ADGRG5: variants seen among roughly 807,000 people sequenced by gnomAD.
ADGRG5 encodes G protein-coupled receptor 114.
ADGRG5 carries 37 observed loss-of-function variants against 53.2 expected under a neutral mutation model. The ratio of observed to expected loss-of-function variants is 0.70; its 90% CI spans 0.53 to 0.91. ADGRG5 has a LOEUF of 0.91. Among genes scored for constraint, ADGRG5 ranks in the 40% least tolerant of loss-of-function variants. The pLI is 0.00. For synonymous variants in ADGRG5, 277 were observed against 290.4 expected (o/e 0.95, Z 0.47); for missense variants, 614 against 675.8 (o/e 0.91, Z 1.01).
At chr16:57,568,470 C>A (rs2033212090) in intron 9 of ADGRG5, among the ~76,000 whole-genome samples, 1 of 151,576 alleles carries the variant, frequency 6.6e-6, no homozygotes, top group Admixed American at 6.6e-5. Flanking sequence ...TCTCATCCAC[C>A]TCTGTTATCG....
Position 57,554,609 on chromosome 16 carries a change from T to C in ADGRG5, c.-38-7447T>C, listed in dbSNP as rs9923054. On this transcript the variant is annotated intron_variant, in intron 1 of 11. Coordinates refer to ENST00000349457, the MANE Select transcript of ADGRG5 (RefSeq NM_001304376.3). The stretch of plus-strand genomic sequence containing the variant: ...GCCAGGATGGTCTCAATCTCCTGAC[T>C]TTGTGATCCGCCCACCTTGGCCTCC... 5.8e-3 allele frequency among the ~76,000 whole-genome samples: 879 copies of C among 152,192 alleles called. 11 individuals carry two copies. The highest frequency in any genetic ancestry group is 0.018 in the African/African-American group (747 of 41,558).
Position 57,574,723 on chromosome 16 carries a change from C to A in ADGRG5, c.1209-92C>A. On this transcript the variant is annotated intron_variant, in intron 10 of 11. Transcript: ENST00000349457. The surrounding 1 kb of genome is among the most constrained non-coding windows in gnomAD (Gnocchi z 4.4). ...CAGGCAAGAAACAATAGGGCCTGAGCCAGGAGACCGAGTGGGGCTTCAGGG... is the reference window on the plus strand; with the variant it reads ...CAGGCAAGAAACAATAGGGCCTGAGACAGGAGACCGAGTGGGGCTTCAGGG... The A allele has an allele frequency of 2.2e-6, 3 of 1,373,504 alleles. No homozygotes were observed. Among genetic ancestry groups the A allele is most frequent in the Non-Finnish European group, 2.9e-6 (3 of 1,021,700 alleles). 85.1% of individuals were successfully genotyped at this position (1,373,504 alleles called of 1,614,324 possible). A position where few individuals can be genotyped will look rare whatever the true frequency, so the allele number is the denominator to read the frequency against.
chr16:57,557,284 C>G (rs931130853), intron 1 of ADGRG5, among the ~76,000 whole-genome samples: 2 of 152,164 alleles, frequency 1.3e-5, no homozygotes, highest in South Asian at 4.1e-4. Flanking sequence ...AAAGATATGG[C>G]TGCATTATCA....
At chr16:57,533,381 G>A in the ADGRG5 span, among the ~76,000 whole-genome samples, 12 of 152,074 alleles carry the variant, frequency 7.9e-5, no homozygotes, top group East Asian at 2.1e-3. Flanking sequence ...CCCAAGGGCA[G>A]CCAGACCCTG....
In ADGRG5 at chr16:57,576,126, T is replaced by C. The variant is rs1451016099; in HGVS notation, c.*588T>C. On this transcript the variant is annotated 3_prime_UTR_variant, in exon 12 of 12. Transcript: ENST00000349457. ...GGGGAGGGCCAGATGGCATCCTGGC[T>C]TGGGGCGGGTGGGACCTACCCAGGC... 1 of 153,388 alleles carries C rather than the reference T, an allele frequency of 6.5e-6. No homozygotes were observed. The highest frequency in any genetic ancestry group is 1.9e-4 in the East Asian group (1 of 5,192). 9.5% of individuals were successfully genotyped at this position (153,388 alleles called of 1,614,324 possible).
chr16:57,543,584 G>A (rs1221731482), intron 1 of ADGRG5, among the ~76,000 whole-genome samples: 1 of 152,116 alleles, frequency 6.6e-6, no homozygotes, highest in Non-Finnish European at 1.5e-5. Context: ...TTCCTGGCCT[G>A]TTAGTGCTTT....
At chr16:57,570,885 A>T (rs889620948) in intron 10 of ADGRG5, among the ~76,000 whole-genome samples, 3 of 152,024 alleles carry the variant, frequency 2.0e-5, no homozygotes, top group African/African-American at 7.2e-5. Context: ...TCCCCTGCAG[A>T]CCACCTTGCT....
At position 57,552,886 on chromosome 16, in the gene ADGRG5, C is replaced by T. The variant is rs559537692; in HGVS notation, c.-38-9170C>T. Among the ~76,000 whole-genome samples the T allele has an allele frequency of 4.4e-4, 67 of 152,136 alleles. 1 individual carries two copies. The highest frequency in any genetic ancestry group is 8.8e-4 in the Non-Finnish European group (60 of 67,998). ...TCTTCTACTTGAACACTTAAGAGGC[C>T]ATTGTAGAGTTATTCATTGTTCTGA... is the stretch of plus-strand genomic sequence containing the variant. On this transcript the variant is annotated intron_variant, in intron 1 of 11. Coordinates refer to ENST00000349457, the MANE Select transcript of ADGRG5 (RefSeq NM_001304376.3).
chr16:57,562,623 C>T, intron 3 of ADGRG5, 164 bp downstream of exon 3: 1 of 592,772 alleles, frequency 1.7e-6, no homozygotes, highest in Non-Finnish European at 3.0e-6. Context: ...TGTCACTGCC[C>T]TCATGAAGTT....
At position 57,575,494 on chromosome 16, in the gene ADGRG5, A is replaced by G. The variant is rs1400122175; in HGVS notation, c.1543A>G (p.Lys515Glu). 6.2e-7 allele frequency: 1 copy of G among 1,614,072 alleles called. No individual in the cohort carries two copies. Among genetic ancestry groups the G allele is most frequent in the Non-Finnish European group, 8.5e-7 (1 of 1,180,004 alleles). ...GCGGTGCCGCTCAGAAGCAGAGGCC[A>G]AGGCACAGATAGAGGCCTTCAGCTC... ...SQRCRSEAEA[K>E]AQIEAFSSSQ... The change falls in exon 12 of 12, where the codon AAG becomes GAG. Residue 515 changes from lysine (K) to glutamate (E), a missense_variant. By Grantham distance (56) the Lys-to-Glu change is moderately conservative. Coordinates refer to ENST00000349457, the MANE Select transcript of ADGRG5 (RefSeq NM_001304376.3).
At position 57,570,506 on chromosome 16, in the gene ADGRG5, G is replaced by T. The variant is rs760089261; in HGVS notation, c.1179G>T (p.Glu393Asp). Residue 393 changes from glutamate (E) to aspartate (D), a missense_variant, in exon 10 of 12, where the codon GAG becomes GAT. By Grantham distance (45) the Glu-to-Asp change is conservative. Transcript: ENST00000349457. Reference protein sequence around the residue: ...PCTIPVFDSWENGTGFQNMSI... With the variant: ...PCTIPVFDSWDNGTGFQNMSI... ...CAATCCCCGTCTTCGACAGCTGGGA[G>T]AATGGCACAGGCTTCCAGAACATGT... The T allele has an allele frequency of 4.3e-6, 7 of 1,613,392 alleles. No homozygotes were observed. The highest frequency in any genetic ancestry group is 5.1e-6 in the Non-Finnish European group (6 of 1,179,756).
chr16:57,558,198 G>A (rs1455034639), intron 1 of ADGRG5, among the ~76,000 whole-genome samples: 4 of 152,058 alleles, frequency 2.6e-5, no homozygotes, highest in Non-Finnish European at 5.9e-5. Context: ...TGAACTCTTG[G>A]GCTCAAATGA....
chr16:57,562,740 G>A, intron 3 of ADGRG5: 1 of 545,564 alleles, frequency 1.8e-6, no homozygotes, highest in Non-Finnish European at 3.3e-6. Flanking sequence ...TTCTGGCTGG[G>A]CTCTCCAGGG....
At chr16:57,559,109 C>A (rs1413557107) in intron 1 of ADGRG5, among the ~76,000 whole-genome samples, 1 of 151,866 alleles carries the variant, frequency 6.6e-6, no homozygotes, top group African/African-American at 2.4e-5. Flanking sequence ...CTCGGCCACC[C>A]AAAGTGTTGG....
rs988146435 is a variant in ADGRG5 at position 57,550,747 on chromosome 16, C to T, written c.-39+8046C>T. Among the ~76,000 whole-genome samples the T allele has an allele frequency of 5.9e-5, 9 of 151,998 alleles. No homozygotes were observed. The East Asian group carries it at 1.3e-3, about 23-fold the overall frequency. On this transcript the variant is annotated intron_variant, in intron 1 of 11. Coordinates refer to ENST00000349457, the MANE Select transcript of ADGRG5 (RefSeq NM_001304376.3). ...CCAGTGCATATAAAAGTGATGCTTA[C>T]GGCCAGGCACGGTGGCTCATGTCTG...
In ADGRG5 at chr16:57,574,220, C is replaced by T. The variant is rs1454136502; in HGVS notation, c.1209-595C>T. Among the ~76,000 whole-genome samples the T allele has an allele frequency of 1.4e-4, 21 of 152,224 alleles. No homozygotes were observed. The highest frequency in any genetic ancestry group is 5.1e-4 in the African/African-American group (21 of 41,450). ...AGTTCTCCATGGCTCTCTGCTCAGC[C>T]CTCAGTGGGCTCTCCTGCGGCTCTG... is the stretch of plus-strand genomic sequence containing the variant. On this transcript the variant is annotated intron_variant, in intron 10 of 11. Coordinates refer to ENST00000349457, the MANE Select transcript of ADGRG5 (RefSeq NM_001304376.3). The surrounding 1 kb of genome is among the most constrained non-coding windows in gnomAD (Gnocchi z 4.4).
chr16:57,534,775 G>C, the ADGRG5 span, among the ~76,000 whole-genome samples: 1 of 152,204 alleles, frequency 6.6e-6, no homozygotes, highest in Admixed American at 6.5e-5. Context: ...GCCAGGCTCT[G>C]AGACAGGTAG....
intron 1 of ADGRG5, among the ~76,000 whole-genome samples, chr16:57,552,713 C>G (rs763135784): frequency 9.2e-5 from 14 of 152,216 alleles, no homozygotes; most frequent in Non-Finnish European, 4.4e-5. Flanking sequence ...TTTAAATTTT[C>G]TTTAAGAGCT....
the ADGRG5 span, among the ~76,000 whole-genome samples, chr16:57,530,249 C>T: frequency 1.3e-5 from 2 of 152,184 alleles, no homozygotes; most frequent in African/African-American, 2.4e-5. Flanking sequence ...GCCTCCCCAT[C>T]GCCCAGCACT....
Sources: allele counts gnomAD v4.1 joint callset (sites outside exome capture counted in the v4.1 genomes callset), GRCh38; gene constraint gnomAD v4.1.1; non-coding constraint Gnocchi (gnomAD v3.1); transcripts MANE v1.5; gene names NCBI Gene and HGNC (gene_info 2026-07-23, HGNC 2026-07-21).